Variants in TERT observed in about 807,000 individuals in gnomAD.
The protein encoded by TERT is telomerase reverse transcriptase.
A neutral mutation model predicts 104.0 loss-of-function variants in TERT; 42 were observed. That is an observed-to-expected ratio of 0.40 (90% CI 0.32 to 0.52). The LOEUF (loss-of-function observed/expected upper bound fraction) is 0.52. Among genes scored for constraint, TERT ranks in the 20% least tolerant of loss-of-function variants. The probability of loss-of-function intolerance (pLI) is 0.43; values close to 1 mark genes in which losing one functional copy is unlikely to be tolerated. For synonymous variants in TERT, 781 were observed against 725.6 expected (o/e 1.08, Z -1.23); for missense variants, 1,101 against 1,610.3 (o/e 0.68, Z 5.41).
Position 1,294,946 on chromosome 5 carries a change from C to CGCA in TERT, c.41_43dup (p.Leu14dup). 7.1e-7 allele frequency: 1 copy of CGCA among 1,400,604 alleles called. No individual in the cohort carries two copies. The highest frequency in any genetic ancestry group is 9.2e-7 in the Non-Finnish European group (1 of 1,082,548). 86.8% of individuals were successfully genotyped at this position (1,400,604 alleles called of 1,614,324 possible). A position where few individuals can be genotyped will look rare whatever the true frequency, so the allele number is the denominator to read the frequency against. ...CGGCAGCACCTCGCGGTAGTGGCTG[C>CGCA]GCAGCAGGGAGCGCACGGCTCGGCA... On this transcript the variant is annotated inframe_insertion, in exon 1 of 16. Transcript: ENST00000310581.
rs374968697 is a variant in TERT at position 1,255,341 on chromosome 5, C to A, written c.3103G>T (p.Val1035Phe). The A allele has an allele frequency of 1.2e-6, 2 of 1,614,184 alleles. No individual in the cohort carries two copies. The highest frequency in any genetic ancestry group is 1.1e-5 in the South Asian group (1 of 91,084). Residue 1035 changes from valine to phenylalanine, a missense_variant, in exon 14 of 16, where the codon GTC becomes TTC. Around this residue, in one of 5 missense-constraint regions of TERT, gnomAD observed 463 missense variants for 797.5 expected, o/e 0.58. Transcript: ENST00000310581. This position sits in a 1 kb window ranked among gnomAD's most constrained non-coding sequence, Gnocchi z 6.9. ...VWKNPTFFLR[V>F]ISDTASLCYS... ...CAGAGGGAGGCCGTGTCAGAGATGA[C>A]GCGCAGGAAAAATGTGGGGTTCTTC...
rs1247895161 is a variant in TERT, at chr5:1,287,405, T to C, written c.1574-4781A>G. The stretch of plus-strand genomic sequence containing the variant: ...GTTCCAGCTATTCAGGAGGCTGAGG[T>C]GAGAGGACGGCTCAGGCCAGAAGGT... On this transcript the variant is annotated intron_variant, in intron 2 of 15. Coordinates refer to ENST00000310581, the MANE Select transcript of TERT (RefSeq NM_198253.3). This position sits in a 1 kb window ranked among gnomAD's most constrained non-coding sequence, Gnocchi z 4.3. Among the ~76,000 whole-genome samples the C allele has an allele frequency of 6.6e-6, 1 of 151,218 alleles. No individual in the cohort carries two copies.
intron 7 of TERT, 39 bp downstream of exon 7, chr5:1,272,146 T>A (rs746321207): frequency 6.6e-7 from 1 of 1,514,264 alleles, no homozygotes; most frequent in Non-Finnish European, 9.0e-7. Context: ...GACCCACTGC[T>A]GGGAGTCCGT....
chr5:1,272,200 G>A lies in TERT; in HGVS notation c.2367C>T (p.Ala789=), dbSNP rs759014638. 13 of 1,612,074 alleles carry A rather than the reference G, an allele frequency of 8.1e-6. No individual in the cohort carries two copies. The highest frequency in any genetic ancestry group is 3.3e-5 in the South Asian group (3 of 90,840). ...GTGCCCAGACCTGCTCGATGACGAC[G>A]GCATCCCTCAGCGGGCTGGTCTCCT... ...HLQETSPLRD[A]VVIEQSSSLN... Residue 789 remains alanine (A), a synonymous_variant, in exon 7 of 16, where the codon GCC becomes GCT. Transcript: ENST00000310581.
At position 1,270,243 on chromosome 5, in the gene TERT, A is replaced by G. The variant is rs34701155; in HGVS notation, c.2468+876T>C. ...TTGCTGATACCATTAGTGATTACTT[A>G]TAATGCAATAATTAATAGTTATATT... On this transcript the variant is annotated intron_variant, in intron 8 of 15. Transcript: ENST00000310581. The surrounding 1 kb of genome is among the most constrained non-coding windows in gnomAD (Gnocchi z 8.3). Among the ~76,000 whole-genome samples the G allele has an allele frequency of 3.7e-3, 567 of 152,344 alleles. 3 individuals carry two copies. The highest frequency in any genetic ancestry group is 0.013 in the African/African-American group (541 of 41,588).
chr5:1,260,641 C>T, intron 11 of TERT, 41 bp from the exon 12 acceptor site: 1 of 1,611,266 alleles, frequency 6.2e-7, no homozygotes, highest in African/African-American at 1.3e-5. Context: ...GTGCCTGCCC[C>T]ACACCCAGCC....
At chr5:1,278,604 A>G (rs1749777766) in intron 6 of TERT, 37 bp downstream of exon 6, 1 of 1,613,596 alleles carries the variant, frequency 6.2e-7, no homozygotes, top group African/African-American at 1.3e-5. Context: ...TCCCAGAGAC[A>G]CACATCCTGG....
At chr5:1,289,882 C>G (rs1326999854) in intron 2 of TERT, among the ~76,000 whole-genome samples, 6 of 59,982 alleles carry the variant, frequency 1.0e-4, no homozygotes, top group South Asian at 1.7e-3. Context: ...ACCCGGGGGC[C>G]GCGCCTCACT....
chr5:1,278,833 C>T (rs766135723), intron 5 of TERT, 37 bp from the exon 6 acceptor site: 27 of 1,613,162 alleles, frequency 1.7e-5, no homozygotes, highest in East Asian at 6.7e-5. Flanking sequence ...ACAGTGGCCA[C>T]GCAGAAACTC....
At position 1,291,455 on chromosome 5, in the gene TERT, C is replaced by T. The variant is rs1307441722; in HGVS notation, c.1573+1858G>A. On this transcript the variant is annotated intron_variant, in intron 2 of 15. Coordinates refer to ENST00000310581, the MANE Select transcript of TERT (RefSeq NM_198253.3). ...GGGACCACGCCTCACTCACCCTACA[C>T]GTGACAGGGACACCCGGGGACGGCG... is the stretch of plus-strand genomic sequence containing the variant. 4.7e-5 allele frequency among the ~76,000 whole-genome samples: 5 copies of T among 106,948 alleles called. 1 individual carries two copies. The highest frequency in any genetic ancestry group is 9.3e-5 in the Non-Finnish European group (5 of 53,574). The allele number at this position is 106,948 out of a possible 152,430, so 70.2% of individuals were successfully genotyped here. A position where few individuals can be genotyped will look rare whatever the true frequency, so the allele number is the denominator to read the frequency against.
At position 1,286,136 on chromosome 5, in the gene TERT, G is replaced by A. The variant is rs528359987; in HGVS notation, c.1574-3512C>T. Reference sequence around the variant, plus strand: ...TGCTGTCACTCACTGGCTAAGGAACGCTGGCCACGTGGTGCTCCAGACACT... The same window carrying A: ...TGCTGTCACTCACTGGCTAAGGAACACTGGCCACGTGGTGCTCCAGACACT... On this transcript the variant is annotated intron_variant, in intron 2 of 15. Coordinates refer to ENST00000310581, the MANE Select transcript of TERT (RefSeq NM_198253.3). The surrounding 1 kb of genome is among the most constrained non-coding windows in gnomAD (Gnocchi z 5.3). Among the ~76,000 whole-genome samples, 4 of 152,292 alleles carry A rather than the reference G, an allele frequency of 2.6e-5. No individual in the cohort carries two copies. Among genetic ancestry groups the A allele is most frequent in the East Asian group, 1.9e-4 (1 of 5,164 alleles).
intron 2 of TERT, among the ~76,000 whole-genome samples, chr5:1,291,497 CCTGAGAGGGACACCCGGGGACA>C (rs1198188260): frequency 0.029 from 3,405 of 116,804 alleles, 255 homozygotes; most frequent in South Asian, 0.052. Context: ...TCACCCTACA[CCTGAGAGGGACACCCGGGGACA>C]GTGCCTCACT....
chr5:1,260,889 A>G (rs960587169), intron 11 of TERT, among the ~76,000 whole-genome samples: 21 of 152,248 alleles, frequency 1.4e-4, no homozygotes, highest in African/African-American at 5.1e-4. Context: ...TGAGATCTGC[A>G]CATAACTCAG....
chr5:1,254,659 C>T (rs1747588439), intron 14 of TERT, among the ~76,000 whole-genome samples, 154 bp from the exon 15 acceptor site: 1 of 152,208 alleles, frequency 6.6e-6, no homozygotes, highest in South Asian at 2.1e-4. Flanking sequence ...GAAATGTTTT[C>T]TTCGGCTTCT....
At chr5:1,279,018 G>A (rs1250916336) in intron 5 of TERT, among the ~76,000 whole-genome samples, 6 of 152,338 alleles carry the variant, frequency 3.9e-5, no homozygotes, top group East Asian at 3.9e-4. Context: ...TGGCTGAGCC[G>A]TTGCGGTTCC....
rs552844669 is a variant in TERT at position 1,270,746 on chromosome 5, C to T, written c.2468+373G>A. Among the ~76,000 whole-genome samples the T allele has an allele frequency of 1.5e-3, 225 of 152,346 alleles. 1 individual carries two copies. The highest frequency in any genetic ancestry group is 5.2e-3 in the African/African-American group (218 of 41,576). ...TTGTATCGGGAGAGAGAGATACAAG[C>T]GTGTGAGAGCCGGGTGTCCAGCGTC... On this transcript the variant is annotated intron_variant, in intron 8 of 15. Transcript: ENST00000310581. This position sits in a 1 kb window ranked among gnomAD's most constrained non-coding sequence, Gnocchi z 8.3.
In TERT at chr5:1,266,452, C is replaced by A; in HGVS notation, c.2654+12G>T. ...TGTGGAGGTCCCCACAGACACACGGCACGGGCCTCACCTGAGGAAGGTTTT... is the reference window on the plus strand; with the variant it reads ...TGTGGAGGTCCCCACAGACACACGGAACGGGCCTCACCTGAGGAAGGTTTT... On this transcript the variant is annotated intron_variant, in intron 10 of 15. Coordinates refer to ENST00000310581, the MANE Select transcript of TERT (RefSeq NM_198253.3). 6.2e-7 allele frequency: 1 copy of A among 1,603,520 alleles called. No individual in the cohort carries two copies. Among genetic ancestry groups the A allele is most frequent in the Non-Finnish European group, 8.5e-7 (1 of 1,174,702 alleles).
At chr5:1,267,820 A>T (rs1392672580) in intron 9 of TERT, among the ~76,000 whole-genome samples, 3 of 152,154 alleles carry the variant, frequency 2.0e-5, no homozygotes, top group Non-Finnish European at 4.4e-5. Context: ...AACATCACAC[A>T]CCAGGGCCTG....
rs938319109 is a variant in TERT, at chr5:1,287,699, A to ATT, written c.1574-5076_1574-5075insAA. Among the ~76,000 whole-genome samples, 1 of 151,980 alleles carries ATT rather than the reference A, an allele frequency of 6.6e-6. No individual in the cohort carries two copies. Among genetic ancestry groups the ATT allele is most frequent in the African/African-American group, 2.4e-5 (1 of 41,354 alleles). On this transcript the variant is annotated intron_variant, in intron 2 of 15. Transcript: ENST00000310581. The surrounding 1 kb of genome is among the most constrained non-coding windows in gnomAD (Gnocchi z 4.3). ...ATTCTACCACGTGCATGCACCTAAC[A>ATT]ATGCCTCACATAAATGCTACCAAAC...
Sources: allele counts gnomAD v4.1 joint callset (sites outside exome capture counted in the v4.1 genomes callset), GRCh38; gene constraint gnomAD v4.1.1; regional missense constraint gnomAD v4.1.1; non-coding constraint Gnocchi (gnomAD v3.1); transcripts MANE v1.5; gene names NCBI Gene and HGNC (gene_info 2026-07-23, HGNC 2026-07-21).